BABAM2: variants seen among roughly 807,000 people sequenced by gnomAD.
BABAM2 encodes BRISC and BRCA1 A complex member 2.
A neutral mutation model predicts 54.7 loss-of-function variants in BABAM2; 31 were observed. The ratio of observed to expected loss-of-function variants is 0.57; its 90% CI spans 0.43 to 0.77. The LOEUF (loss-of-function observed/expected upper bound fraction) is 0.77, where lower values mean the gene tolerates loss of function less well. BABAM2 is among the 30% of genes least tolerant of loss of function. The pLI is 0.00. For missense variants in BABAM2, 364 were observed against 455.8 expected (o/e 0.80, Z 1.83); for synonymous variants, 167 against 162.9 (o/e 1.03, Z -0.19).
chr2:28,115,223 AC>A (rs1411373166), intron 6 of BABAM2, among the ~76,000 whole-genome samples: 2 of 148,758 alleles, frequency 1.3e-5, no homozygotes, highest in Admixed American at 1.3e-4. Context: ...ACACACACAC[AC>A]AAACCAATCA....
intron 7 of BABAM2, among the ~76,000 whole-genome samples, chr2:28,207,634 T>C (rs1679010049): frequency 6.6e-6 from 1 of 152,190 alleles, no homozygotes; most frequent in African/African-American, 2.4e-5. Flanking sequence ...AATATTTAAC[T>C]TGATTTTCAC....
intron 10 of BABAM2, among the ~76,000 whole-genome samples, chr2:28,289,515 C>T (rs1327746459): frequency 6.6e-6 from 1 of 152,166 alleles, no homozygotes; most frequent in Non-Finnish European, 1.5e-5. Flanking sequence ...TCAGGCCGGG[C>T]ACAGAGGCTC....
chr2:28,219,329 A>G (rs59496970), intron 7 of BABAM2, among the ~76,000 whole-genome samples: 27,140 of 152,192 alleles, frequency 0.18, 2,590 homozygotes, highest in African/African-American at 0.23. Context: ...TGGCAAGTCC[A>G]GTCCCTCTCA....
At chr2:28,275,448 C>T (rs1685797020) in intron 10 of BABAM2, among the ~76,000 whole-genome samples, 1 of 152,128 alleles carries the variant, frequency 6.6e-6, no homozygotes, top group Non-Finnish European at 1.5e-5. Context: ...TATTGCCTAA[C>T]TGGGATAGGC....
chr2:27,979,965 C>T (rs1671885430), intron 3 of BABAM2, among the ~76,000 whole-genome samples: 1 of 152,016 alleles, frequency 6.6e-6, no homozygotes, highest in Non-Finnish European at 1.5e-5. Flanking sequence ...AAGGCACAAG[C>T]GTGTAAATAA....
At chr2:28,117,197 A>G (rs551994759) in intron 6 of BABAM2, among the ~76,000 whole-genome samples, 1 of 152,316 alleles carries the variant, frequency 6.6e-6, no homozygotes, top group East Asian at 1.9e-4. Flanking sequence ...TTCCTCTGGC[A>G]GGTAAGGAGG....
intron 5 of BABAM2, among the ~76,000 whole-genome samples, chr2:28,044,995 T>TA (rs769876276): frequency 0.014 from 1,899 of 138,538 alleles, 31 homozygotes; most frequent in African/African-American, 0.044. Context: ...ATGACAAAGT[T>TA]AAAAAAAAAA....
At chr2:27,953,538 C>T (rs1304153236) in intron 3 of BABAM2, among the ~76,000 whole-genome samples, 1 of 151,868 alleles carries the variant, frequency 6.6e-6, no homozygotes, top group Non-Finnish European at 1.5e-5. Context: ...GTGATCCTCC[C>T]TCCTCGGCTT....
Position 28,139,441 on chromosome 2 carries a change from C to T in BABAM2, c.680+10061C>T, listed in dbSNP as rs544320969. 8.6e-5 allele frequency among the ~76,000 whole-genome samples: 13 copies of T among 151,010 alleles called. No individual in the cohort carries two copies. In the South Asian group the frequency reaches 1.1e-3, roughly 12 times the overall value. On this transcript the variant is annotated intron_variant, in intron 7 of 11. Transcript: ENST00000379624. ...AAGATTAGCTGGGTTTGGTGGCATG[C>T]GCTTCTAGTCCCAGCTGCTTGGGAG...
intron 10 of BABAM2, among the ~76,000 whole-genome samples, chr2:28,256,026 G>A (rs910705669): frequency 1.4e-4 from 21 of 152,020 alleles, no homozygotes; most frequent in African/African-American, 4.3e-4. Context: ...GGTGAATTCC[G>A]TGGATCCATT....
chr2:27,895,271 G>T (rs1665198093), intron 2 of BABAM2, among the ~76,000 whole-genome samples: 1 of 152,074 alleles, frequency 6.6e-6, no homozygotes, highest in African/African-American at 2.4e-5. Flanking sequence ...AATTTTGCCA[G>T]TCTTTCCATT....
intron 2 of BABAM2, among the ~76,000 whole-genome samples, chr2:27,909,826 G>A (rs1027291831): frequency 6.6e-6 from 1 of 152,166 alleles, no homozygotes; most frequent in African/African-American, 2.4e-5. Context: ...TTATGATTAT[G>A]GTAGTAGTGT....
At chr2:27,924,916 T>C (rs1000113405) in intron 2 of BABAM2, among the ~76,000 whole-genome samples, 3 of 152,164 alleles carry the variant, frequency 2.0e-5, no homozygotes, top group Non-Finnish European at 4.4e-5. Context: ...TCTTAAATGA[T>C]TTGCCCAACA....
At chr2:28,072,282 C>T (rs1211849103) in intron 6 of BABAM2, among the ~76,000 whole-genome samples, 1 of 152,074 alleles carries the variant, frequency 6.6e-6, no homozygotes, top group Non-Finnish European at 1.5e-5. Context: ...AAGCAGTTCT[C>T]CTGCCTCAGC....
intron 4 of BABAM2, among the ~76,000 whole-genome samples, chr2:28,012,261 A>G (rs1428499367): frequency 2.0e-5 from 3 of 152,238 alleles, no homozygotes; most frequent in African/African-American, 7.2e-5. Flanking sequence ...GAATTAAGTT[A>G]GAAATCATAT....
intron 2 of BABAM2, among the ~76,000 whole-genome samples, chr2:27,923,922 T>C (rs1454092633): frequency 2.0e-5 from 3 of 152,146 alleles, no homozygotes; most frequent in Non-Finnish European, 4.4e-5. Flanking sequence ...CAGTGAGCTG[T>C]GATTTCACCA....
chr2:27,902,531 A>G (rs1398096278), intron 2 of BABAM2, among the ~76,000 whole-genome samples: 7 of 152,202 alleles, frequency 4.6e-5, no homozygotes, highest in Admixed American at 3.3e-4. Context: ...ACTATTCTGT[A>G]GCCTCACCAG....
intron 7 of BABAM2, among the ~76,000 whole-genome samples, chr2:28,207,536 CT>C (rs957866703): frequency 3.3e-5 from 5 of 152,054 alleles, no homozygotes; most frequent in Admixed American, 6.6e-5. Context: ...CAGCAAGACC[CT>C]GTCTCAAAAA....
intron 7 of BABAM2, among the ~76,000 whole-genome samples, chr2:28,139,956 A>C (rs1209947462): frequency 6.6e-6 from 1 of 152,186 alleles, no homozygotes; most frequent in Non-Finnish European, 1.5e-5. Context: ...TTCTGAAAAC[A>C]CAAATCTGAT....
Sources: gnomAD v4.1 joint callset for allele counts (sites outside exome capture counted in the v4.1 genomes callset) on GRCh38, gnomAD v4.1.1 for gene constraint, MANE v1.5 for transcripts, NCBI Gene and HGNC (gene_info 2026-07-23, HGNC 2026-07-21) for gene names.